Variants in UNC79 observed in about 807,000 individuals in gnomAD.
UNC79 encodes unc-79 subunit of NALCN channel complex.
In UNC79, 37 loss-of-function variants were observed where a neutral mutation model predicts 283.1. The ratio of observed to expected loss-of-function variants is 0.13; its 90% CI spans 0.10 to 0.17. UNC79 has a LOEUF of 0.17. Among genes scored for constraint, UNC79 ranks in the 10% least tolerant of loss-of-function variants. The pLI is 1.00. For missense variants in UNC79, 2,272 were observed against 3,211.1 expected (o/e 0.71, Z 7.07); for synonymous variants, 1,107 against 1,200.2 (o/e 0.92, Z 1.61).
intron 1 of UNC79, among the ~76,000 whole-genome samples, chr14:93,404,493 A>AAAAAAAAAAAAAT: frequency 6.5e-5 from 4 of 61,500 alleles, no homozygotes; most frequent in East Asian, 2.8e-4. Flanking sequence ...TTCTAAAAAA[A>AAAAAAAAAAAAAT]ATATATATAT....
chr14:93,347,706 G>C (rs1385853513), intron 1 of UNC79, among the ~76,000 whole-genome samples: 1 of 152,130 alleles, frequency 6.6e-6, no homozygotes, highest in African/African-American at 2.4e-5. Context: ...CTGTGGTTTC[G>C]CGGAGGAATG....
At chr14:93,605,710 T>C (rs539362944) in intron 26 of UNC79, among the ~76,000 whole-genome samples, 5 of 152,314 alleles carry the variant, frequency 3.3e-5, no homozygotes, top group Admixed American at 2.6e-4. Context: ...TGTTTCAGAA[T>C]GGTACAGACA....
At chr14:93,426,127 A>G, upstream of UNC79, among the ~76,000 whole-genome samples, 1 of 152,028 alleles carries the variant, frequency 6.6e-6, no homozygotes, top group East Asian at 1.9e-4. Flanking sequence ...TTTTCTTTTT[A>G]GTATGGTAAA....
In UNC79 at chr14:93,678,004, G is replaced by C. The variant is rs527277304; in HGVS notation, c.6741+4549G>C. On this transcript the variant is annotated intron_variant, in intron 41 of 48. Coordinates refer to ENST00000555664, the Ensembl canonical transcript of UNC79. ...TTTTTTCTTGCCCTTGACTGCCTGG[G>C]TCCTCCAGGTGTTCTCTGTAGAATA... is the stretch of plus-strand genomic sequence containing the variant. Among the ~76,000 whole-genome samples the C allele has an allele frequency of 1.3e-4, 20 of 152,256 alleles. No individual in the cohort carries two copies. The South Asian group carries it at 4.2e-3, about 32-fold the overall frequency.
chr14:93,399,610 A>T (rs2055066623), intron 1 of UNC79, among the ~76,000 whole-genome samples: 1 of 152,206 alleles, frequency 6.6e-6, no homozygotes, highest in African/African-American at 2.4e-5. Flanking sequence ...AGCACTTTAT[A>T]TGTGGATTTC....
At chr14:93,424,661 A>G (rs1162877217) in intron 1 of UNC79, among the ~76,000 whole-genome samples, 1 of 152,120 alleles carries the variant, frequency 6.6e-6, no homozygotes, top group Admixed American at 6.6e-5. Flanking sequence ...AAAAATTAAA[A>G]CAATTGAACT....
At chr14:93,412,389 A>G (rs1393630619) in intron 1 of UNC79, among the ~76,000 whole-genome samples, 1 of 152,072 alleles carries the variant, frequency 6.6e-6, no homozygotes, top group African/African-American at 2.4e-5. Flanking sequence ...TAATAACGAG[A>G]ACTTCCCAAA....
intron 1 of UNC79, chr14:93,464,404 T>A (rs962873726): frequency 2.2e-5 from 8 of 368,192 alleles, no homozygotes; most frequent in African/African-American, 1.7e-4. Flanking sequence ...ACATTTCTGG[T>A]ATCTCTTATG....
intron 4 of UNC79, among the ~76,000 whole-genome samples, chr14:93,481,268 T>TA (rs2058125018): frequency 6.6e-6 from 1 of 152,166 alleles, no homozygotes; most frequent in Non-Finnish European, 1.5e-5. Context: ...GCTTTGTTTA[T>TA]AAAAAATATA....
chr14:93,605,469 T>C (rs965786506), intron 26 of UNC79, among the ~76,000 whole-genome samples: 1 of 152,182 alleles, frequency 6.6e-6, no homozygotes, highest in African/African-American at 2.4e-5. Flanking sequence ...CATAGCATGA[T>C]ACAGTTTAAT....
chr14:93,455,080 C>T (rs894430808), intron 1 of UNC79, among the ~76,000 whole-genome samples: 1 of 152,296 alleles, frequency 6.6e-6, no homozygotes, highest in African/African-American at 2.4e-5. Flanking sequence ...GGAACCAAAA[C>T]TGGCTGAAGA....
chr14:93,695,102 TC>T (rs1294746440), intron 47 of UNC79, among the ~76,000 whole-genome samples: 1 of 152,112 alleles, frequency 6.6e-6, no homozygotes, highest in African/African-American at 2.4e-5. Flanking sequence ...TCTTTCTGCC[TC>T]CCCTCTTTTT....
At chr14:93,543,074 T>C (rs2061447158) in intron 14 of UNC79, among the ~76,000 whole-genome samples, 1 of 151,840 alleles carries the variant, frequency 6.6e-6, no homozygotes, top group Admixed American at 6.6e-5. Flanking sequence ...CTAAATATTT[T>C]TATTAAGAAA....
intron 1 of UNC79, among the ~76,000 whole-genome samples, chr14:93,372,904 C>G (rs769518354): frequency 2.0e-5 from 3 of 152,150 alleles, no homozygotes; most frequent in Non-Finnish European, 4.4e-5. Context: ...TAAGATATAG[C>G]ACATTCTGGG....
Position 93,617,114 on chromosome 14 carries a change from T to C in UNC79, c.4042-8T>C, listed in dbSNP as rs1442074861. ...TTCCATCAGTTATTAATATTTTTTC[T>C]ATTTCAGGTTATGGACTATAACATT... On this transcript the variant is annotated splice_polypyrimidine_tract_variant and splice_region_variant and intron_variant, in intron 27 of 48. Transcript: ENST00000555664. This position sits in a 1 kb window ranked among gnomAD's most constrained non-coding sequence, Gnocchi z 4.5. The C allele has an allele frequency of 1.3e-6, 2 of 1,594,582 alleles. No individual in the cohort carries two copies. Among genetic ancestry groups the C allele is most frequent in the Non-Finnish European group, 1.7e-6 (2 of 1,167,948 alleles).
chr14:93,421,837 G>A (rs575313158), intron 1 of UNC79, among the ~76,000 whole-genome samples: 1 of 149,636 alleles, frequency 6.7e-6, no homozygotes, highest in South Asian at 2.2e-4. Flanking sequence ...TCCCAGGGAT[G>A]CAATGTTAGT....
rs143089220 is a variant in UNC79, at chr14:93,659,400, C to T, written c.6525+139C>T. Reference sequence around the variant, plus strand: ...TTCAGCCTCCTTCTTTTTCTTCATGCTAGGTCAGTGCCTTGTATAAAGAAC... The same window carrying T: ...TTCAGCCTCCTTCTTTTTCTTCATGTTAGGTCAGTGCCTTGTATAAAGAAC... On this transcript the variant is annotated intron_variant, in intron 39 of 48. Transcript: ENST00000555664. 3,521 of 656,128 alleles carry T rather than the reference C, an allele frequency of 5.4e-3. 21 individuals are homozygous for T. Among genetic ancestry groups the T allele is most frequent in the Non-Finnish European group, 7.4e-3 (2,934 of 395,572 alleles). The allele number at this position is 656,128 out of a possible 1,614,324, so 40.6% of individuals were successfully genotyped here. A position where few individuals can be genotyped will look rare whatever the true frequency, so the allele number is the denominator to read the frequency against.
chr14:93,653,150 T>A (rs2070484546), intron 35 of UNC79, among the ~76,000 whole-genome samples: 1 of 152,076 alleles, frequency 6.6e-6, no homozygotes, highest in Non-Finnish European at 1.5e-5. Context: ...GGTACCTTAG[T>A]CTAAGGGGCA....
At chr14:93,662,392 G>T (rs909598465) in intron 39 of UNC79, among the ~76,000 whole-genome samples, 1 of 152,168 alleles carries the variant, frequency 6.6e-6, no homozygotes, top group Non-Finnish European at 1.5e-5. Flanking sequence ...TTTTTGAGCA[G>T]TGAAATGATT....
Sources: allele counts gnomAD v4.1 joint callset (sites outside exome capture counted in the v4.1 genomes callset), GRCh38; gene constraint gnomAD v4.1.1; non-coding constraint Gnocchi (gnomAD v3.1); transcripts MANE v1.5; gene names NCBI Gene and HGNC (gene_info 2026-07-23, HGNC 2026-07-21).